Variants in TXNRD1 observed in about 807,000 individuals in gnomAD.
The protein encoded by TXNRD1 is thioredoxin reductase 1, cytoplasmic.
TXNRD1 carries 57 observed loss-of-function variants against 80.3 expected under a neutral mutation model. That is an observed-to-expected ratio of 0.71 (90% CI 0.57 to 0.89). The LOEUF is 0.89. TXNRD1 is among the 40% of genes least tolerant of loss of function. TXNRD1 has a pLI of 0.00. For synonymous variants in TXNRD1, 291 were observed against 285.2 expected (o/e 1.02, Z -0.20); for missense variants, 730 against 803.0 (o/e 0.91, Z 1.10).
At chr12:104,265,418 A>T in intron 3 of TXNRD1, 1 of 1,604,456 alleles carries the variant, frequency 6.2e-7, no homozygotes, top group Non-Finnish European at 8.5e-7. Flanking sequence ...GCGCCTAATC[A>T]TGTCGTCGCC....
At position 104,348,475 on chromosome 12, in the gene TXNRD1, C is replaced by G; in HGVS notation, c.*54C>G. 6.3e-7 allele frequency: 1 copy of G among 1,585,188 alleles called. No individual in the cohort carries two copies. The highest frequency in any genetic ancestry group is 1.1e-5 in the South Asian group (1 of 90,358). On this transcript the variant is annotated 3_prime_UTR_variant, in exon 17 of 17. Coordinates refer to ENST00000525566, the MANE Select transcript of TXNRD1 (RefSeq NM_001093771.3). ...TGCAAACCACTGGCTCGTTTCCGTGCCCAAATCCAAGGCGAAGTTTTCTAG... is the reference window on the plus strand; with the variant it reads ...TGCAAACCACTGGCTCGTTTCCGTGGCCAAATCCAAGGCGAAGTTTTCTAG...
intron 2 of TXNRD1, among the ~76,000 whole-genome samples, chr12:104,253,001 C>T (rs866278072): frequency 2.6e-5 from 4 of 151,850 alleles, no homozygotes; most frequent in African/African-American, 4.8e-5. Flanking sequence ...CGCGCCCGGC[C>T]GATTTTATTA....
intron 3 of TXNRD1, among the ~76,000 whole-genome samples, chr12:104,277,166 T>C (rs1023570152): frequency 6.7e-6 from 1 of 148,920 alleles, no homozygotes; most frequent in Admixed American, 6.8e-5. Context: ...CCGAGGCGGG[T>C]GGATCACAAG....
chr12:104,323,048 A>G (rs1160998317), intron 10 of TXNRD1, among the ~76,000 whole-genome samples: 1 of 122,344 alleles, frequency 8.2e-6, no homozygotes, highest in Admixed American at 8.2e-5. Flanking sequence ...AACAAAGCAC[A>G]TCTTGCACTG....
At chr12:104,228,354 C>T (rs1005437265) in intron 1 of TXNRD1, among the ~76,000 whole-genome samples, 38 of 150,938 alleles carry the variant, frequency 2.5e-4, no homozygotes, top group Non-Finnish European at 3.8e-4. Flanking sequence ...AAATATAGGC[C>T]GGTTGTGGTG....
At chr12:104,228,420 T>C (rs1226282656) in intron 1 of TXNRD1, among the ~76,000 whole-genome samples, 1 of 151,460 alleles carries the variant, frequency 6.6e-6, no homozygotes, top group Admixed American at 6.6e-5. Context: ...TCACCTGAGG[T>C]TGGGAGTTTG....
chr12:104,261,623 A>G (rs141460983), intron 3 of TXNRD1, among the ~76,000 whole-genome samples: 52 of 152,248 alleles, frequency 3.4e-4, no homozygotes, highest in African/African-American at 1.2e-3. Flanking sequence ...TGGATTTTTC[A>G]TTTACTTCTG....
chr12:104,285,798 C>A (rs1301470034), intron 3 of TXNRD1, among the ~76,000 whole-genome samples: 2 of 152,146 alleles, frequency 1.3e-5, no homozygotes, highest in Non-Finnish European at 2.9e-5. Flanking sequence ...CCCTTAGACC[C>A]AGTCTTTTCA....
At chr12:104,310,028 G>T (rs578219697) in intron 4 of TXNRD1, 1 of 1,536,144 alleles carries the variant, frequency 6.5e-7, no homozygotes, top group Non-Finnish European at 8.7e-7. Flanking sequence ...TTCTTCTTCC[G>T]CTGACCCCAA....
At chr12:104,336,426 C>T (rs1443369909) in intron 15 of TXNRD1, among the ~76,000 whole-genome samples, 1 of 152,022 alleles carries the variant, frequency 6.6e-6, no homozygotes, top group East Asian at 1.9e-4. Context: ...GAGGTAAAAG[C>T]TTGTAGAACT....
intron 1 of TXNRD1, among the ~76,000 whole-genome samples, chr12:104,236,093 T>G (rs976718342): frequency 6.6e-6 from 1 of 152,176 alleles, no homozygotes; most frequent in Non-Finnish European, 1.5e-5. Flanking sequence ...TTGTGGCTAG[T>G]TTCTTGGTCT....
intron 4 of TXNRD1, chr12:104,304,038 A>G: frequency 6.2e-7 from 1 of 1,613,536 alleles, no homozygotes; most frequent in East Asian, 2.2e-5. Flanking sequence ...GCTGACGAGG[A>G]GAAGTGCCGC....
chr12:104,269,553 C>T (rs948706945), intron 3 of TXNRD1, among the ~76,000 whole-genome samples: 1 of 151,820 alleles, frequency 6.6e-6, no homozygotes, highest in African/African-American at 2.4e-5. Context: ...GCACATGCTA[C>T]CACACCTAGC....
intron 3 of TXNRD1, among the ~76,000 whole-genome samples, chr12:104,275,345 A>G (rs1254300945): frequency 6.6e-6 from 1 of 152,132 alleles, no homozygotes; most frequent in East Asian, 1.9e-4. Context: ...TAATGAGAAT[A>G]TATGCACTGC....
rs192858950 is a variant in TXNRD1 at position 104,278,748 on chromosome 12, G to A, written c.305-10183G>A. Among the ~76,000 whole-genome samples the A allele has an allele frequency of 2.2e-3, 328 of 152,176 alleles. 1 individual carries two copies. The highest frequency in any genetic ancestry group is 3.4e-3 in the Non-Finnish European group (234 of 67,996). On this transcript the variant is annotated intron_variant, in intron 3 of 16. Coordinates refer to ENST00000525566, the MANE Select transcript of TXNRD1 (RefSeq NM_001093771.3). ...GATCTCCTGACCTCGTGATCCGCCC[G>A]CCTCGGCCTCCCAAAGTGTTGGGAT...
Position 104,288,586 on chromosome 12 carries a change from T to G in TXNRD1, c.305-345T>G, listed in dbSNP as rs34494158. 9.6e-3 allele frequency: 3,542 copies of G among 370,138 alleles called. 111 individuals carry two copies. The highest frequency in any genetic ancestry group is 0.067 in the African/African-American group (3,229 of 48,368). 22.9% of individuals were successfully genotyped at this position (370,138 alleles called of 1,614,324 possible). On this transcript the variant is annotated intron_variant, in intron 3 of 16. Transcript: ENST00000525566. ...TTGAGATAAACGTGTATTAAGCTTC[T>G]TTTTTGAAGCTTTTCTGAATTCGGG...
At chr12:104,298,165 A>G (rs1353437015) in intron 4 of TXNRD1, among the ~76,000 whole-genome samples, 4 of 152,226 alleles carry the variant, frequency 2.6e-5, no homozygotes, top group Admixed American at 6.5e-5. Flanking sequence ...TTTAGATACT[A>G]GACTTAAGAA....
rs1438872679 is a variant in TXNRD1, at chr12:104,331,625, G to A, written c.1634G>A (p.Gly545Glu). The change falls in exon 14 of 17, where the codon GGG (glycine) becomes GAG (glutamate). Residue 545 changes from glycine (G) to glutamate (E), a missense_variant. Gly to Glu is a moderately conservative substitution (Grantham distance 98, BLOSUM62 -2). Coordinates refer to ENST00000525566, the MANE Select transcript of TXNRD1 (RefSeq NM_001093771.3). The part of the protein sequence containing the change: ...LSEEKAVEKF[G>E]EENIEVYHSY... Reference sequence around the variant, plus strand: ...GAGGAGAAAGCTGTGGAGAAGTTTGGGGAAGAAAATATTGAGGTAAGTTCT... The same window carrying A: ...GAGGAGAAAGCTGTGGAGAAGTTTGAGGAAGAAAATATTGAGGTAAGTTCT... 2 of 1,610,706 alleles carry A rather than the reference G, an allele frequency of 1.2e-6. No homozygotes were observed. Among genetic ancestry groups the A allele is most frequent in the East Asian group, 4.5e-5 (2 of 44,740 alleles).
chr12:104,309,054 C>T (rs563442182), intron 4 of TXNRD1, among the ~76,000 whole-genome samples: 59 of 152,102 alleles, frequency 3.9e-4, no homozygotes, highest in African/African-American at 1.2e-3. Flanking sequence ...CACGCCTCCA[C>T]GCCCGGCTAA....
Sources: allele counts gnomAD v4.1 joint callset (sites outside exome capture counted in the v4.1 genomes callset), GRCh38; gene constraint gnomAD v4.1.1; transcripts MANE v1.5; gene names NCBI Gene and HGNC (gene_info 2026-07-23, HGNC 2026-07-21).